The following ARID1B variants were observed in gnomAD, a reference collection of about 807,000 sequenced individuals.
The protein encoded by ARID1B is AT-rich interaction domain 1B.
A neutral mutation model predicts 212.3 loss-of-function variants in ARID1B; 30 were observed. That is an observed-to-expected ratio of 0.14 (90% confidence interval 0.11 to 0.19). The LOEUF (loss-of-function observed/expected upper bound fraction) is 0.19. ARID1B is among the 10% of genes least tolerant of loss of function. The probability of loss-of-function intolerance (pLI) is 1.00; values close to 1 mark genes in which losing one functional copy is unlikely to be tolerated. For missense variants in ARID1B, 2,891 were observed against 3,204.0 expected, an observed-to-expected ratio of 0.90 and a Z score of 2.36; for synonymous variants, 1,402 against 1,301.7, an observed-to-expected ratio of 1.08 and a Z score of -1.66.
At chr6:156,783,624 G>A (rs978991615) in intron 1 of ARID1B, among the ~76,000 whole-genome samples, 2 of 152,144 alleles carry the variant, frequency 1.3e-5, no homozygotes, top group Non-Finnish European at 2.9e-5. Flanking sequence ...CCGAAAAGAT[G>A]ATCATTTCAT....
intron 4 of ARID1B, chr6:157,023,387 C>G (rs1780449842): frequency 6.6e-6 from 1 of 152,118 alleles, no homozygotes; most frequent in Non-Finnish European, 1.5e-5. Context: ...AACTCCCTAG[C>G]TTTGTGAATA....
chr6:156,777,014 T>G (rs547845373), upstream of ARID1B: 9 of 152,302 alleles, frequency 5.9e-5, no homozygotes, highest in Admixed American at 5.9e-4. Flanking sequence ...CTGAGGCCAA[T>G]AGACAACTTT....
At chr6:156,990,399 T>C (rs1204763336) in intron 4 of ARID1B, among the ~76,000 whole-genome samples, 2 of 152,030 alleles carry the variant, frequency 1.3e-5, no homozygotes, top group Non-Finnish European at 2.9e-5. Flanking sequence ...TCCCAGCACT[T>C]TGGGAGGCCA....
intron 7 of ARID1B, among the ~76,000 whole-genome samples, chr6:157,137,561 A>G (rs1204760985): frequency 3.3e-5 from 5 of 152,196 alleles, no homozygotes; most frequent in Non-Finnish European, 7.3e-5. Context: ...TGTGTTCTCT[A>G]GAGGAATGTC....
rs926297805 is a variant in ARID1B at position 156,778,794 on chromosome 6, G to A, written c.1114G>A (p.Gly372Arg). Residue 372 changes from glycine to arginine, a missense_variant, in exon 1 of 20, where the codon GGG becomes AGG. By Grantham distance (125) the Gly-to-Arg change is moderately radical. This residue lies in a region of ARID1B where 1,643 missense variants were observed against 1,544.0 expected (regional missense o/e 1.06). Transcript: ENST00000636930. The stretch of plus-strand genomic sequence containing the variant: ...GGACCCCCTGCAGAACTCCCACGAA[G>A]GGTACCCCAACAGCCAGTGCAACCA... ...SMDPLQNSHE[G>R]YPNSQCNHYP... The A allele has an allele frequency of 1.1e-5, 16 of 1,506,058 alleles. No individual in the cohort carries two copies. Among genetic ancestry groups the A allele is most frequent in the East Asian group, 5.6e-5 (2 of 35,662 alleles). The allele number at this position is 1,506,058 out of a possible 1,614,324, so 93.3% of individuals were successfully genotyped here.
intron 6 of ARID1B, among the ~76,000 whole-genome samples, chr6:157,130,791 G>A (rs528898165): frequency 1.6e-4 from 24 of 152,190 alleles, no homozygotes; most frequent in African/African-American, 5.8e-4. Context: ...ATTTTCTTTC[G>A]AAGCTACTGC....
chr6:156,903,796 T>C (rs1789138990), intron 3 of ARID1B, among the ~76,000 whole-genome samples: 1 of 152,174 alleles, frequency 6.6e-6, no homozygotes, highest in Non-Finnish European at 1.5e-5. Context: ...GACCAGAACA[T>C]TTCTTTATGC....
intron 2 of ARID1B, among the ~76,000 whole-genome samples, chr6:156,857,006 G>C (rs976757024): frequency 6.6e-6 from 1 of 152,132 alleles, no homozygotes; most frequent in Non-Finnish European, 1.5e-5. Flanking sequence ...TATGGGAGCC[G>C]CATGGAGGAG....
chr6:156,991,092 GT>G (rs1778249128), intron 4 of ARID1B, among the ~76,000 whole-genome samples: 1 of 152,186 alleles, frequency 6.6e-6, no homozygotes, highest in Non-Finnish European at 1.5e-5. Flanking sequence ...CTGAGGAGCA[GT>G]AACTTGACTT....
At chr6:156,944,104 A>G (rs1299410604) in intron 4 of ARID1B, among the ~76,000 whole-genome samples, 3 of 152,188 alleles carry the variant, frequency 2.0e-5, no homozygotes, top group South Asian at 2.1e-4. Context: ...AGCACCTTCT[A>G]GCTCCAAAAT....
chr6:157,080,842 T>C (rs999677384), intron 4 of ARID1B, among the ~76,000 whole-genome samples: 2 of 152,216 alleles, frequency 1.3e-5, no homozygotes, highest in Non-Finnish European at 2.9e-5. Flanking sequence ...GTTTTAAAGC[T>C]AAACAGCTTC....
At chr6:157,026,970 A>C (rs1039976873) in intron 4 of ARID1B, among the ~76,000 whole-genome samples, 2 of 152,200 alleles carry the variant, frequency 1.3e-5, no homozygotes, top group African/African-American at 4.8e-5. Context: ...CATGTAATGC[A>C]TACATAGTTA....
Position 156,923,556 on chromosome 6 carries a change from G to A in ARID1B, c.2137-11910G>A, listed in dbSNP as rs147819724. 1.2e-4 allele frequency among the ~76,000 whole-genome samples: 19 copies of A among 152,296 alleles called. No homozygotes were observed. The East Asian group carries it at 3.7e-3, about 29-fold the overall frequency. On this transcript the variant is annotated intron_variant, in intron 3 of 19. Transcript: ENST00000636930. Reference sequence around the variant, plus strand: ...AAATAGTACTTACTTTATGGGGTCAGTGTGGAAATCAAGAGTTTATTGTAT... The same window carrying A: ...AAATAGTACTTACTTTATGGGGTCAATGTGGAAATCAAGAGTTTATTGTAT...
chr6:157,003,754 TCA>T (rs1779037108), intron 4 of ARID1B, among the ~76,000 whole-genome samples: 1 of 152,208 alleles, frequency 6.6e-6, no homozygotes, highest in Non-Finnish European at 1.5e-5. Flanking sequence ...AGTAGCACCA[TCA>T]TAGCTTGCTG....
At chr6:157,161,522 C>G (rs1242953301) in intron 8 of ARID1B, among the ~76,000 whole-genome samples, 1 of 151,448 alleles carries the variant, frequency 6.6e-6, no homozygotes, top group Non-Finnish European at 1.5e-5. Flanking sequence ...TCGACTGAGT[C>G]TCTCCTTCTC....
intron 16 of ARID1B, among the ~76,000 whole-genome samples, chr6:157,197,581 G>A (rs1263495770): frequency 6.6e-6 from 1 of 152,124 alleles, no homozygotes; most frequent in Admixed American, 6.5e-5. Context: ...TTCTTAACCC[G>A]GCCATAATAC....
At chr6:157,173,099 C>A (rs896236004) in intron 9 of ARID1B, 1 of 152,194 alleles carries the variant, frequency 6.6e-6, no homozygotes, top group Non-Finnish European at 1.5e-5. Flanking sequence ...TGTAGAAATT[C>A]AGCTGTTATT....
At chr6:157,170,976 A>G (rs950688093) in intron 9 of ARID1B, among the ~76,000 whole-genome samples, 4 of 152,222 alleles carry the variant, frequency 2.6e-5, no homozygotes, top group Non-Finnish European at 5.9e-5. Flanking sequence ...GCAGTCTGGT[A>G]TATTACCATG....
chr6:157,208,109 G>GT lies in ARID1B; in HGVS notation c.*228dup, dbSNP rs370046956. 37,380 of 431,008 alleles carry GT rather than the reference G, an allele frequency of 0.087. 2,250 individuals are homozygous for GT. Among genetic ancestry groups the GT allele is most frequent in the African/African-American group, 0.3 (14,155 of 47,910 alleles). 26.7% of individuals were successfully genotyped at this position (431,008 alleles called of 1,614,324 possible). ...TGTGTGTATAAGTACATCCTTTGGG[G>GT]TTTTTTTTTTCTCTTTTTTTTAACC... On this transcript the variant is annotated 3_prime_UTR_variant, in exon 20 of 20. Transcript: ENST00000636930.
Sources: gnomAD v4.1 joint callset for allele counts (sites outside exome capture counted in the v4.1 genomes callset) on GRCh38, gnomAD v4.1.1 for gene constraint, gnomAD v4.1.1 regional missense constraint, MANE v1.5 for transcripts, NCBI Gene and HGNC (gene_info 2026-07-23, HGNC 2026-07-21) for gene names.